NF1: variants seen among roughly 807,000 people sequenced by gnomAD.
The protein encoded by NF1 is neurofibromin.
In NF1, 122 loss-of-function variants were observed where a neutral mutation model predicts 325.7. The observed-to-expected ratio is 0.37, with a 90% CI of 0.32 to 0.44. The LOEUF (loss-of-function observed/expected upper bound fraction) is 0.44, where lower values mean the gene tolerates loss of function less well. NF1 is among the 20% of genes least tolerant of loss of function. The probability of loss-of-function intolerance (pLI) is 1.00; values close to 1 mark genes in which losing one functional copy is unlikely to be tolerated. For synonymous variants in NF1, 1,091 were observed against 1,186.0 expected (o/e 0.92, Z 1.65); for missense variants, 2,140 against 3,415.4 (o/e 0.63, Z 9.31).
At chr17:31,302,835 ACT>A (rs1199202295) in intron 36 of NF1, among the ~76,000 whole-genome samples, 1 of 152,094 alleles carries the variant, frequency 6.6e-6, no homozygotes, top group African/African-American at 2.4e-5. Context: ...ACAGAGTGAG[ACT>A]CTGTCTCGAA....
At position 31,357,372 on chromosome 17, in the gene NF1, A is replaced by T. The variant is rs1567627282; in HGVS notation, c.7970+3A>T. The T allele has an allele frequency of 6.2e-7, 1 of 1,605,236 alleles. No homozygotes were observed. The highest frequency in any genetic ancestry group is 8.5e-7 in the Non-Finnish European group (1 of 1,171,982). On this transcript the variant is annotated splice_donor_region_variant and intron_variant, in intron 54 of 57. Transcript: ENST00000358273. ...TTTCCCAAAGTCTTTCCTGTTGTGT[A>T]AGTATCTCCTTTTGATTTTAATTCA... is the stretch of plus-strand genomic sequence containing the variant.
chr17:31,250,230 G>A lies in NF1; in HGVS notation c.4110+1111G>A, dbSNP rs7220483. On this transcript the variant is annotated intron_variant, in intron 30 of 57. Coordinates refer to ENST00000358273, the MANE Select transcript of NF1 (RefSeq NM_001042492.3). ...AGGAAACTTAGGAAAATCCTGTATA[G>A]TTTTTTCAACTAGTTAAGTCTGAGT... is the stretch of plus-strand genomic sequence containing the variant. The A allele has an allele frequency of 0.39, 121,198 of 307,890 alleles. 28,562 individuals carry two copies. Among genetic ancestry groups the A allele is most frequent in the African/African-American group, 0.76 (35,543 of 46,610 alleles). 19.1% of individuals were successfully genotyped at this position (307,890 alleles called of 1,614,324 possible).
intron 36 of NF1, among the ~76,000 whole-genome samples, chr17:31,266,576 T>G (rs2067793776): frequency 3.3e-5 from 5 of 152,206 alleles, no homozygotes; most frequent in Admixed American, 3.3e-4. Context: ...ATATTTGTAT[T>G]CTAACCCCAA....
intron 1 of NF1, among the ~76,000 whole-genome samples, chr17:31,153,064 T>C (rs1917059451): frequency 6.6e-6 from 1 of 152,108 alleles, no homozygotes; most frequent in Admixed American, 6.6e-5. Context: ...TGTTCATCTC[T>C]CTCTTTTTCA....
chr17:31,373,517 G>C (rs1195859171), intron 57 of NF1, among the ~76,000 whole-genome samples: 1 of 152,186 alleles, frequency 6.6e-6, no homozygotes, highest in African/African-American at 2.4e-5. Flanking sequence ...ATAACAAAAT[G>C]TGAAGTTTTC....
At position 31,325,995 on chromosome 17, in the gene NF1, T is replaced by G. The variant is rs1255338223; in HGVS notation, c.5011T>G (p.Tyr1671Asp). The change falls in exon 37 of 58, where the codon TAC (tyrosine) becomes GAC (aspartate). Residue 1671 changes from tyrosine (Y) to aspartate (D), a missense_variant. Tyr to Asp is a radical substitution (Grantham distance 160). Coordinates refer to ENST00000358273, the MANE Select transcript of NF1 (RefSeq NM_001042492.3). ...GTTTGTTGTTTTTCCTGGCTTTGCTTACGACAACGTCTCCGCAGTCTATAT... is the reference window on the plus strand; with the variant it reads ...GTTTGTTGTTTTTCCTGGCTTTGCTGACGACAACGTCTCCGCAGTCTATAT... The part of the protein sequence containing the change: ...KWFVVFPGFA[Y>D]DNVSAVYIYN... 1 of 1,614,216 alleles carries G rather than the reference T, an allele frequency of 6.2e-7. No individual in the cohort carries two copies. The highest frequency in any genetic ancestry group is 8.5e-7 in the Non-Finnish European group (1 of 1,180,038).
In NF1 at chr17:31,359,026, A is replaced by G; in HGVS notation, c.8160+11A>G. On this transcript the variant is annotated intron_variant, in intron 56 of 57. Coordinates refer to ENST00000358273, the MANE Select transcript of NF1 (RefSeq NM_001042492.3). ...GGACCGTTTTCAAAGGTAAGAAAAT[A>G]TATTTTTCTCTAACTTTTGGCAAAA... 1 of 1,613,098 alleles carries G rather than the reference A, an allele frequency of 6.2e-7. No homozygotes were observed. Among genetic ancestry groups the G allele is most frequent in the Non-Finnish European group, 8.5e-7 (1 of 1,179,354 alleles).
chr17:31,320,322 G>C (rs749221227), intron 36 of NF1: 8 of 1,424,610 alleles, frequency 5.6e-6, no homozygotes, highest in Non-Finnish European at 7.5e-6. Context: ...CTTCTCAAAT[G>C]TACTTAGGAG....
In NF1 at chr17:31,360,514, CT is replaced by C. The variant is rs1489456178; in HGVS notation, c.8190del (p.Ile2731LeufsTer8). On this transcript the variant is annotated frameshift_variant, in exon 57 of 58. Transcript: ENST00000358273. LOFTEE classifies it high-confidence loss of function. ...AACACAAATTCCAGACTATGCTGAGCTTATTGTTAAGTTTCTTGATGCCTTG... is the reference window on the plus strand; with the variant it reads ...AACACAAATTCCAGACTATGCTGAGCTATTGTTAAGTTTCTTGATGCCTTG... ...KQTQIPDYAE[L>X]IVKFLDALID... 1 of 1,613,892 alleles carries C rather than the reference CT, an allele frequency of 6.2e-7. No individual in the cohort carries two copies. Among genetic ancestry groups the C allele is most frequent in the African/African-American group, 1.3e-5 (1 of 74,880 alleles).
At chr17:31,372,382 T>C (rs1490311624) in intron 57 of NF1, among the ~76,000 whole-genome samples, 1 of 152,158 alleles carries the variant, frequency 6.6e-6, no homozygotes, top group African/African-American at 2.4e-5. Flanking sequence ...TGCAGCTGTT[T>C]GCTTTCCCGC....
At chr17:31,308,427 C>T (rs151314608) in intron 36 of NF1, among the ~76,000 whole-genome samples, 1 of 152,272 alleles carries the variant, frequency 6.6e-6, no homozygotes, top group African/African-American at 2.4e-5. Context: ...AGGCATGAGC[C>T]ACCACGCCTG....
chr17:31,286,529 C>CA (rs999347531), intron 36 of NF1, among the ~76,000 whole-genome samples: 14 of 151,252 alleles, frequency 9.3e-5, no homozygotes, highest in African/African-American at 2.9e-4. Flanking sequence ...TTTGTTAAAG[C>CA]AAAAAAAATG....
At chr17:31,138,596 G>GTTT (rs764491897) in intron 1 of NF1, 5 of 129,050 alleles carry the variant, frequency 3.9e-5, no homozygotes, top group Non-Finnish European at 6.7e-5. Flanking sequence ...GCATTCTTTA[G>GTTT]TTTTTTTTTT....
intron 36 of NF1, among the ~76,000 whole-genome samples, chr17:31,303,148 A>T (rs1284080549): frequency 6.6e-6 from 1 of 152,208 alleles, no homozygotes. Context: ...TCCCAGAACT[A>T]TGAGTGGTTC....
chr17:31,351,424 T>C (rs1200517542), intron 50 of NF1, among the ~76,000 whole-genome samples: 1 of 152,152 alleles, frequency 6.6e-6, no homozygotes, highest in Non-Finnish European at 1.5e-5. Context: ...TTTTCTTTAT[T>C]AATTTTTTTT....
intron 36 of NF1, among the ~76,000 whole-genome samples, chr17:31,313,252 A>G (rs1287380609): frequency 6.6e-6 from 1 of 152,214 alleles, no homozygotes; most frequent in Non-Finnish European, 1.5e-5. Context: ...TATATTATGT[A>G]CAGGAAAATT....
At chr17:31,162,644 A>C (rs955552795) in intron 3 of NF1, among the ~76,000 whole-genome samples, 1 of 152,222 alleles carries the variant, frequency 6.6e-6, no homozygotes, top group Non-Finnish European at 1.5e-5. Flanking sequence ...AAATTCTTTT[A>C]AGAGATGCCA....
At chr17:31,318,915 G>A (rs765250967) in intron 36 of NF1, 1 of 1,614,010 alleles carries the variant, frequency 6.2e-7, no homozygotes, top group Non-Finnish European at 8.5e-7. Flanking sequence ...CCCACAGACG[G>A]GTATAGTTTG....
chr17:31,186,367 C>T (rs1378518411), intron 8 of NF1, among the ~76,000 whole-genome samples: 6 of 152,230 alleles, frequency 3.9e-5, no homozygotes, highest in African/African-American at 7.2e-5. Context: ...TGCAGCACTA[C>T]AGCCCCTTTC....
Sources: gnomAD v4.1 joint callset for allele counts (sites outside exome capture counted in the v4.1 genomes callset) on GRCh38, gnomAD v4.1.1 for gene constraint, MANE v1.5 for transcripts, NCBI Gene and HGNC (gene_info 2026-07-23, HGNC 2026-07-21) for gene names.